Variants in SGPL1 observed in about 807,000 individuals in gnomAD.
SGPL1 encodes the protein SP-lyase 1.
A neutral mutation model predicts 68.9 loss-of-function variants in SGPL1; 37 were observed. That is an observed-to-expected ratio of 0.54 (90% CI 0.41 to 0.71). The LOEUF is 0.71. SGPL1 is among the 30% of genes least tolerant of loss of function. The pLI is 0.00. For missense variants in SGPL1, 551 were observed against 704.6 expected, an observed-to-expected ratio of 0.78 and a Z score of 2.47; for synonymous variants, 236 against 248.5, an observed-to-expected ratio of 0.95 and a Z score of 0.47.
intron 7 of SGPL1, among the ~76,000 whole-genome samples, chr10:70,866,969 T>C (rs902575208): frequency 9.9e-5 from 15 of 152,156 alleles, no homozygotes; most frequent in African/African-American, 3.4e-4. Flanking sequence ...TAAGCTACAC[T>C]AAATATGAAA....
chr10:70,833,467 C>CT (rs1366199286), intron 2 of SGPL1, among the ~76,000 whole-genome samples: 1 of 152,160 alleles, frequency 6.6e-6, no homozygotes, highest in Non-Finnish European at 1.5e-5. Flanking sequence ...TTGCTCAGTT[C>CT]TTACTTCTTT....
At chr10:70,823,805 T>C (rs2131849822) in intron 2 of SGPL1, among the ~76,000 whole-genome samples, 1 of 152,120 alleles carries the variant, frequency 6.6e-6, no homozygotes, top group Middle Eastern at 3.4e-3. Flanking sequence ...TTCCTTTTTC[T>C]TTTAATAACC....
At chr10:70,874,018 T>G (rs1005300249) in intron 12 of SGPL1, among the ~76,000 whole-genome samples, 1 of 152,204 alleles carries the variant, frequency 6.6e-6, no homozygotes, top group Non-Finnish European at 1.5e-5. Flanking sequence ...TCTAAAAATT[T>G]CCATTTCTGG....
At chr10:70,822,229 TTTG>T (rs1717360886) in intron 2 of SGPL1, among the ~76,000 whole-genome samples, 1 of 151,896 alleles carries the variant, frequency 6.6e-6, no homozygotes, top group South Asian at 2.1e-4. Flanking sequence ...CATTAAAAAA[TTTG>T]TTGACATTTG....
At chr10:70,822,851 G>A (rs192119036) in intron 2 of SGPL1, among the ~76,000 whole-genome samples, 2 of 150,278 alleles carry the variant, frequency 1.3e-5, no homozygotes, top group Admixed American at 6.6e-5. Context: ...GCCTCTATTG[G>A]TAATATGACA....
At position 70,879,726 on chromosome 10, in the gene SGPL1, A is replaced by G. The variant is rs575497157; in HGVS notation, c.*2391A>G. ...GGTGTTTTTCAAAGGGACCTACTGT[A>G]GCCACTTTAATTTACAATTAAGAGC... On this transcript the variant is annotated 3_prime_UTR_variant, in exon 15 of 15. Coordinates refer to ENST00000373202, the MANE Select transcript of SGPL1 (RefSeq NM_003901.4). 1 of 152,730 alleles carries G rather than the reference A, an allele frequency of 6.5e-6. No individual in the cohort carries two copies. Among genetic ancestry groups the G allele is most frequent in the East Asian group, 1.9e-4 (1 of 5,184 alleles). 9.5% of individuals were successfully genotyped at this position (152,730 alleles called of 1,614,324 possible).
intron 2 of SGPL1, chr10:70,820,116 A>G (rs1232284446): frequency 2.0e-5 from 3 of 152,374 alleles, no homozygotes; most frequent in Admixed American, 1.3e-4. Context: ...CATGTATTAC[A>G]TGTTAAGTGT....
chr10:70,877,103 T>A, intron 14 of SGPL1, 92 bp from the exon 15 acceptor site: 1 of 1,312,114 alleles, frequency 7.6e-7, no homozygotes, highest in Non-Finnish European at 1.1e-6. Flanking sequence ...CATGCGAAGC[T>A]AGGACTCGGG....
intron 2 of SGPL1, 129 bp downstream of exon 2, chr10:70,817,009 A>ATTTTG (rs889951515): frequency 4.8e-5 from 46 of 966,592 alleles, no homozygotes; most frequent in African/African-American, 2.6e-4. Flanking sequence ...GCCACCTTTT[A>ATTTTG]TTTTGTTTTG....
At chr10:70,834,400 G>A (rs535388515) in intron 2 of SGPL1, among the ~76,000 whole-genome samples, 2 of 152,274 alleles carry the variant, frequency 1.3e-5, no homozygotes, top group East Asian at 1.9e-4. Flanking sequence ...GCACATTTTG[G>A]TATTAGTCTG....
chr10:70,862,686 C>T (rs1846096204), intron 7 of SGPL1, among the ~76,000 whole-genome samples: 2 of 152,030 alleles, frequency 1.3e-5, no homozygotes, highest in Admixed American at 6.5e-5. Flanking sequence ...ACTCCGGACG[C>T]GCTGCCTTAA....
chr10:70,830,433 G>A lies in SGPL1; in HGVS notation c.27+13553G>A, dbSNP rs1211949429. On this transcript the variant is annotated intron_variant, in intron 2 of 14. Transcript: ENST00000373202. ...AGTAAATATGTGGTCTTTCCTGATT[G>A]ACTTCCTGATTAACCATTCGTTTAA... Among the ~76,000 whole-genome samples, 6 of 152,120 alleles carry A rather than the reference G, an allele frequency of 3.9e-5. No individual in the cohort carries two copies. The South Asian group carries it at 1.2e-3, about 31-fold the overall frequency.
Position 70,871,875 on chromosome 10 carries a change from T to G in SGPL1, c.948T>G (p.Ala316=), listed in dbSNP as rs755964631. 1.2e-6 allele frequency: 2 copies of G among 1,614,100 alleles called. No individual in the cohort carries two copies. The highest frequency in any genetic ancestry group is 1.7e-6 in the Non-Finnish European group (2 of 1,180,010). Residue 316 remains alanine (A), a synonymous_variant, in exon 11 of 15, where the codon GCT becomes GCG. Coordinates refer to ENST00000373202, the MANE Select transcript of SGPL1 (RefSeq NM_003901.4). ...ACAAAATACCCCTTCATGTCGACGCTTGTCTGGGAGGCTTCCTCATCGTCT... is the reference window on the plus strand; with the variant it reads ...ACAAAATACCCCTTCATGTCGACGCGTGTCTGGGAGGCTTCCTCATCGTCT... ...VKYKIPLHVD[A]CLGGFLIVFM...
At chr10:70,851,460 C>G (rs114086606) in intron 4 of SGPL1, among the ~76,000 whole-genome samples, 1,687 of 151,904 alleles carry the variant, frequency 0.011, 20 homozygotes, top group Middle Eastern at 0.041. Flanking sequence ...GGCAGCCCCC[C>G]CCCACCCACC....
In SGPL1 at chr10:70,854,703, T is replaced by C. The variant is rs768762140; in HGVS notation, c.262-5T>C. 125 of 1,605,650 alleles carry C rather than the reference T, an allele frequency of 7.8e-5. No individual in the cohort carries two copies. Among genetic ancestry groups the C allele is most frequent in the Admixed American group, 1.0e-4 (6 of 58,576 alleles). ...TGGATAACTTTGTCTTTCTTACCTT[T>C]GGAGATTCAAGACAAGTTGAACAAG... is the stretch of plus-strand genomic sequence containing the variant. On this transcript the variant is annotated splice_polypyrimidine_tract_variant and splice_region_variant and intron_variant, in intron 4 of 14. Coordinates refer to ENST00000373202, the MANE Select transcript of SGPL1 (RefSeq NM_003901.4).
rs1269714843 is a variant in SGPL1, at chr10:70,880,747, G to C, written c.*3412G>C. On this transcript the variant is annotated 3_prime_UTR_variant, in exon 15 of 15. Coordinates refer to ENST00000373202, the MANE Select transcript of SGPL1 (RefSeq NM_003901.4). The stretch of plus-strand genomic sequence containing the variant: ...CAGACTTTGCCAGAGTCAAGCCAAG[G>C]ATTGCTTTTTTGCTACAGTTTTCTG... 1 of 152,184 alleles carries C rather than the reference G, an allele frequency of 6.6e-6. No homozygotes were observed. Among genetic ancestry groups the C allele is most frequent in the Non-Finnish European group, 1.5e-5 (1 of 68,040 alleles). The allele number at this position is 152,184 out of a possible 1,614,324, so 9.4% of individuals were successfully genotyped here. A position where few individuals can be genotyped will look rare whatever the true frequency, so the allele number is the denominator to read the frequency against.
chr10:70,819,178 A>C (rs543968376), intron 2 of SGPL1, among the ~76,000 whole-genome samples: 2 of 152,346 alleles, frequency 1.3e-5, no homozygotes, highest in African/African-American at 4.8e-5. Flanking sequence ...CTTTGGAATC[A>C]GTTTTCTTTT....
At chr10:70,862,092 C>T (rs892618055) in intron 7 of SGPL1, among the ~76,000 whole-genome samples, 5 of 152,238 alleles carry the variant, frequency 3.3e-5, no homozygotes, top group Non-Finnish European at 5.9e-5. Context: ...AGCCCCGGTG[C>T]GGGATCCACT....
chr10:70,843,722 T>C lies in SGPL1; in HGVS notation c.28-751T>C, dbSNP rs143468286. Among the ~76,000 whole-genome samples, 512 of 152,354 alleles carry C rather than the reference T, an allele frequency of 3.4e-3. 2 individuals carry two copies. Among genetic ancestry groups the C allele is most frequent in the African/African-American group, 0.012 (484 of 41,578 alleles). On this transcript the variant is annotated intron_variant, in intron 2 of 14. Coordinates refer to ENST00000373202, the MANE Select transcript of SGPL1 (RefSeq NM_003901.4). ...ATGATGGTAAGATATGGTTGCTGACTGAGAGATTATAGTCAAGTAAGGCCT... is the reference window on the plus strand; with the variant it reads ...ATGATGGTAAGATATGGTTGCTGACCGAGAGATTATAGTCAAGTAAGGCCT...
Sources: allele counts gnomAD v4.1 joint callset (sites outside exome capture counted in the v4.1 genomes callset), GRCh38; gene constraint gnomAD v4.1.1; transcripts MANE v1.5; gene names NCBI Gene and HGNC (gene_info 2026-07-23, HGNC 2026-07-21).